Variants in MUC7 observed in about 807,000 individuals in gnomAD.
MUC7 encodes mucin 7, secreted, also known as mucin-7.
MUC7 carries 2 observed loss-of-function variants against 2.5 expected under a neutral mutation model. That is an observed-to-expected ratio of 0.81 (90% CI 0.33 to 2.55). The LOEUF is 2.55. Ranked by LOEUF, MUC7 falls within the 30% of genes most tolerant of loss-of-function variation. MUC7 has a pLI of 0.11. For missense variants in MUC7, 408 were observed against 455.6 expected (o/e 0.90, Z 0.95); for synonymous variants, 133 against 173.4 (o/e 0.77, Z 1.83).
chr4:70,477,009 G>A (rs148022350), intron 2 of MUC7, among the ~76,000 whole-genome samples: 423 of 152,282 alleles, frequency 2.8e-3, no homozygotes, highest in South Asian at 6.8e-3. Flanking sequence ...GCATTATTTA[G>A]CATAATGCTT....
intron 1 of MUC7, among the ~76,000 whole-genome samples, chr4:70,434,158 T>C: frequency 6.6e-6 from 1 of 152,200 alleles, no homozygotes; most frequent in East Asian, 1.9e-4. Context: ...TCAATGTTCA[T>C]TAGCAAAACT....
At chr4:70,448,044 T>C (rs1734188840) in intron 1 of MUC7, among the ~76,000 whole-genome samples, 1 of 152,156 alleles carries the variant, frequency 6.6e-6, no homozygotes, top group Non-Finnish European at 1.5e-5. Flanking sequence ...TGCCAACTTT[T>C]TTCTTTCTGT....
chr4:70,436,125 G>T (rs1375127433), intron 1 of MUC7, among the ~76,000 whole-genome samples: 1 of 152,126 alleles, frequency 6.6e-6, no homozygotes, highest in Non-Finnish European at 1.5e-5. Flanking sequence ...CTCTCTGGCT[G>T]CCCTTAACAT....
chr4:70,442,015 C>A (rs764901698), intron 1 of MUC7, among the ~76,000 whole-genome samples: 16 of 152,250 alleles, frequency 1.1e-4, no homozygotes, highest in Non-Finnish European at 2.2e-4. Flanking sequence ...GGACCTTGAA[C>A]AAAACCAAGT....
At chr4:70,473,263 T>A (rs1442619620) in intron 1 of MUC7, among the ~76,000 whole-genome samples, 1 of 151,920 alleles carries the variant, frequency 6.6e-6, no homozygotes, top group African/African-American at 2.4e-5. Context: ...AGTGAAACCG[T>A]GTCTCTACAA....
At chr4:70,436,601 C>A (rs568019139) in intron 1 of MUC7, among the ~76,000 whole-genome samples, 3 of 152,154 alleles carry the variant, frequency 2.0e-5, no homozygotes, top group Non-Finnish European at 2.9e-5. Flanking sequence ...TTCGTCTAAC[C>A]TTTTTTCAAT....
At chr4:70,458,641 A>G (rs1734469036) in intron 1 of MUC7, among the ~76,000 whole-genome samples, 1 of 152,170 alleles carries the variant, frequency 6.6e-6, no homozygotes, top group Non-Finnish European at 1.5e-5. Flanking sequence ...AATGAGAAAA[A>G]AAGAGAAACA....
chr4:70,435,188 C>G (rs1010246271), intron 1 of MUC7, among the ~76,000 whole-genome samples: 3 of 152,012 alleles, frequency 2.0e-5, no homozygotes, highest in Non-Finnish European at 2.9e-5. Flanking sequence ...ATTCTGTTGA[C>G]TTGGGGTGGA....
chr4:70,475,487 T>C (rs1023398854), intron 2 of MUC7, among the ~76,000 whole-genome samples: 4 of 151,890 alleles, frequency 2.6e-5, no homozygotes, highest in Non-Finnish European at 5.9e-5. Context: ...AGGGAGAAAA[T>C]GTAGGAAGTT....
chr4:70,462,792 G>A (rs569897006), intron 1 of MUC7, among the ~76,000 whole-genome samples: 1 of 133,618 alleles, frequency 7.5e-6, no homozygotes, highest in Non-Finnish European at 1.6e-5. Context: ...GGGTAACATA[G>A]CAAGACCCTA....
intron 1 of MUC7, among the ~76,000 whole-genome samples, chr4:70,449,913 C>A (rs755830827): frequency 1.3e-5 from 2 of 152,226 alleles, no homozygotes; most frequent in African/African-American, 4.8e-5. Context: ...GCAAGCACAG[C>A]TCTGGGTCTT....
upstream of MUC7, among the ~76,000 whole-genome samples, chr4:70,471,460 T>C (rs1055504336): frequency 4.1e-4 from 63 of 152,246 alleles, no homozygotes; most frequent in African/African-American, 1.3e-3. Context: ...TTGTTATAGG[T>C]TGATGGTGTT....
At chr4:70,473,971 A>G (rs571822468) in intron 1 of MUC7, 36 bp from the exon 2 acceptor site, 1 of 1,473,570 alleles carries the variant, frequency 6.8e-7, no homozygotes, top group Non-Finnish European at 9.4e-7. Context: ...CCATAATATC[A>G]TAACTAATAG....
Position 70,478,506 on chromosome 4 carries a change from G to A in MUC7, c.55-2293G>A, listed in dbSNP as rs534883231. Among the ~76,000 whole-genome samples, 32 of 152,250 alleles carry A rather than the reference G, an allele frequency of 2.1e-4. No individual in the cohort carries two copies. In the South Asian group the frequency reaches 4.4e-3, roughly 21 times the overall value. The stretch of plus-strand genomic sequence containing the variant: ...AAATCATTTTATAAATGAATAAGCC[G>A]ACATCCAGGCACATTAAGTGACTTG... On this transcript the variant is annotated intron_variant, in intron 2 of 2. Coordinates refer to ENST00000304887, the MANE Select transcript of MUC7 (RefSeq NM_152291.3).
intron 1 of MUC7, among the ~76,000 whole-genome samples, chr4:70,444,272 C>A (rs1020275150): frequency 6.6e-6 from 1 of 152,198 alleles, no homozygotes; most frequent in Non-Finnish European, 1.5e-5. Flanking sequence ...AGCTTCCACA[C>A]CTGCTTCCAC....
chr4:70,440,980 GA>G (rs1168221093), intron 1 of MUC7, among the ~76,000 whole-genome samples: 1 of 152,008 alleles, frequency 6.6e-6, no homozygotes, highest in African/African-American at 2.4e-5. Context: ...TTGGGAGGCA[GA>G]AAAAAATTAT....
intron 2 of MUC7, among the ~76,000 whole-genome samples, chr4:70,476,616 G>A (rs1425314536): frequency 5.3e-5 from 8 of 151,578 alleles, no homozygotes; most frequent in African/African-American, 1.2e-4. Flanking sequence ...GTGAAACATC[G>A]TCTCTACTAA....
upstream of MUC7, among the ~76,000 whole-genome samples, chr4:70,470,496 A>T (rs1009113961): frequency 3.9e-5 from 6 of 152,302 alleles, no homozygotes; most frequent in Admixed American, 3.9e-4. Context: ...ATATGTCCAG[A>T]TATTCTTATA....
At chr4:70,452,939 T>G (rs947286625) in intron 1 of MUC7, among the ~76,000 whole-genome samples, 1 of 152,252 alleles carries the variant, frequency 6.6e-6, no homozygotes, top group Admixed American at 6.5e-5. Context: ...CTTTCATGTC[T>G]GAAGGATATT....
Sources: gnomAD v4.1 joint callset for allele counts (sites outside exome capture counted in the v4.1 genomes callset) on GRCh38, gnomAD v4.1.1 for gene constraint, MANE v1.5 for transcripts, NCBI Gene and HGNC (gene_info 2026-07-23, HGNC 2026-07-21) for gene names.